CCND3: variants seen among roughly 807,000 people sequenced by gnomAD.
CCND3 encodes G1/S-specific cyclin-D3.
A neutral mutation model predicts 28.7 loss-of-function variants in CCND3; 9 were observed. The ratio of observed to expected loss-of-function variants is 0.31; its 90% CI spans 0.19 to 0.55. CCND3 has a LOEUF of 0.55. CCND3 is among the 20% of genes least tolerant of loss of function. CCND3 has a pLI of 0.93. For missense variants in CCND3, 315 were observed against 385.8 expected (o/e 0.82, Z 1.54); for synonymous variants, 164 against 163.9 (o/e 1.00, Z 0.00).
At position 42,000,234 on chromosome 6, in the gene CCND3, CTTTTTTTT is replaced by C. The variant is rs70987562; in HGVS notation, c.-46+48259_-46+48266del. On this transcript the variant is annotated intron_variant, in intron 1 of 4. Transcript: ENST00000372988. ...AGTCTCGTGGAAATTTGAAAACATACTTTTTTTTTTTTTTTTTTTTTTTTTTTGGGACA... is the reference window on the plus strand; with the variant it reads ...AGTCTCGTGGAAATTTGAAAACATACTTTTTTTTTTTTTTTTTTTGGGACA... 1.3e-3 allele frequency among the ~76,000 whole-genome samples: 65 copies of C among 51,030 alleles called. 1 individual carries two copies. In the South Asian group the frequency reaches 0.021, roughly 16 times the overall value. The allele number at this position is 51,030 out of a possible 152,430, so 33.5% of individuals were successfully genotyped here. A position where few individuals can be genotyped will look rare whatever the true frequency, so the allele number is the denominator to read the frequency against.
intron 1 of CCND3, among the ~76,000 whole-genome samples, chr6:42,021,272 T>C (rs1763705769): frequency 6.6e-6 from 1 of 152,122 alleles, no homozygotes; most frequent in African/African-American, 2.4e-5. Context: ...ATACAGAGAG[T>C]CTGGTACTAT....
Position 42,048,519 on chromosome 6 carries a change from C to T in CCND3, c.-64G>A, listed in dbSNP as rs1764612652. On this transcript the variant is annotated 5_prime_UTR_variant, in exon 1 of 5. Transcript: ENST00000372988. The surrounding 1 kb of genome is among the most constrained non-coding windows in gnomAD (Gnocchi z 4.7). ...AGCCTACCTCCTCGTCAGGTGACCTCCCCGGAGCACCGACTGGGGTCGCAG... is the reference window on the plus strand; with the variant it reads ...AGCCTACCTCCTCGTCAGGTGACCTTCCCGGAGCACCGACTGGGGTCGCAG... 1.9e-6 allele frequency: 1 copy of T among 514,452 alleles called. No individual in the cohort carries two copies. Among genetic ancestry groups the T allele is most frequent in the Admixed American group, 2.0e-5 (1 of 50,870 alleles). The allele number at this position is 514,452 out of a possible 1,614,324, so 31.9% of individuals were successfully genotyped here.
intron 1 of CCND3, among the ~76,000 whole-genome samples, chr6:42,037,597 T>A (rs1486927045): frequency 6.6e-6 from 1 of 152,068 alleles, no homozygotes; most frequent in Non-Finnish European, 1.5e-5. Flanking sequence ...TTTAAATAAA[T>A]TAATATTTAA....
intron 1 of CCND3, among the ~76,000 whole-genome samples, chr6:41,988,706 T>C (rs1185316868): frequency 3.4e-5 from 5 of 148,932 alleles, no homozygotes; most frequent in African/African-American, 1.2e-4. Flanking sequence ...TTTCTTTTTT[T>C]TTTTTTTTTT....
chr6:42,037,191 T>C (rs1321131847), intron 1 of CCND3, among the ~76,000 whole-genome samples: 2 of 151,208 alleles, frequency 1.3e-5, no homozygotes, highest in African/African-American at 2.4e-5. Flanking sequence ...CCACCCGCCT[T>C]GGCCTCCCAA....
intron 1 of CCND3, among the ~76,000 whole-genome samples, chr6:42,034,729 C>T (rs1236657089): frequency 6.6e-5 from 10 of 150,970 alleles, no homozygotes; most frequent in African/African-American, 2.2e-4. Flanking sequence ...CCGGCCGCCT[C>T]GGCCTCCCAA....
chr6:42,000,385 C>T (rs1212188992), intron 1 of CCND3, among the ~76,000 whole-genome samples: 1 of 149,666 alleles, frequency 6.7e-6, no homozygotes, highest in Non-Finnish European at 1.5e-5. Flanking sequence ...GGACTACAGG[C>T]GCCCGACACC....
In CCND3 at chr6:42,048,871, GC is replaced by G; in HGVS notation, c.-417del. ...CCGGCGCCGCGCACCCCCGCCCGCAGCCCCCGCCCCACGCGGCATAGGTGCG... is the reference window on the plus strand; with the variant it reads ...CCGGCGCCGCGCACCCCCGCCCGCAGCCCCGCCCCACGCGGCATAGGTGCG... On this transcript the variant is annotated 5_prime_UTR_variant, in exon 1 of 5. Transcript: ENST00000372988. The surrounding 1 kb of genome is among the most constrained non-coding windows in gnomAD (Gnocchi z 4.7). 1 of 305,100 alleles carries G rather than the reference GC, an allele frequency of 3.3e-6. No homozygotes were observed. Among genetic ancestry groups the G allele is most frequent in the Non-Finnish European group, 6.2e-6 (1 of 160,386 alleles). 18.9% of individuals were successfully genotyped at this position (305,100 alleles called of 1,614,324 possible).
intron 1 of CCND3, among the ~76,000 whole-genome samples, chr6:42,043,333 C>A (rs1301257430): frequency 1.3e-5 from 2 of 152,244 alleles, no homozygotes; most frequent in Non-Finnish European, 2.9e-5. Flanking sequence ...GTCAGGAATT[C>A]AAGACCATCC....
At chr6:42,016,929 T>G (rs902281198) in intron 1 of CCND3, among the ~76,000 whole-genome samples, 25 of 152,166 alleles carry the variant, frequency 1.6e-4, no homozygotes, top group African/African-American at 5.5e-4. Context: ...AACTACAACA[T>G]AATGACCTGC....
At chr6:41,943,399 T>C (rs1776092766), upstream of CCND3, among the ~76,000 whole-genome samples, 1 of 152,052 alleles carries the variant, frequency 6.6e-6, no homozygotes, top group African/African-American at 2.4e-5. Flanking sequence ...CTTTTTTCAT[T>C]AAAAAAATAC....
At chr6:42,034,971 C>T (rs1206952423) in intron 1 of CCND3, among the ~76,000 whole-genome samples, 3 of 152,154 alleles carry the variant, frequency 2.0e-5, no homozygotes, top group African/African-American at 7.2e-5. Context: ...CATTATTTCC[C>T]CCCATTCATA....
intron 1 of CCND3, among the ~76,000 whole-genome samples, chr6:41,998,684 ATT>A (rs879883431): frequency 7.2e-6 from 1 of 138,906 alleles, no homozygotes. Flanking sequence ...ATGCATTATT[ATT>A]TTTTTTTTTT....
upstream of CCND3, among the ~76,000 whole-genome samples, chr6:41,946,361 C>A (rs531940449): frequency 1.3e-5 from 2 of 151,766 alleles, no homozygotes; most frequent in East Asian, 3.9e-4. Context: ...CGTTGGGAGG[C>A]AGGGGCAGGC....
chr6:41,964,499 A>AGTGT (rs72237414), intron 1 of CCND3, among the ~76,000 whole-genome samples: 3 of 103,348 alleles, frequency 2.9e-5, no homozygotes, highest in East Asian at 4.7e-4. Context: ...TGTGTGTGTG[A>AGTGT]GTGTGTGTGT....
chr6:41,955,905 T>C (rs1254828533), intron 1 of CCND3, among the ~76,000 whole-genome samples: 5 of 152,228 alleles, frequency 3.3e-5, no homozygotes, highest in Admixed American at 1.3e-4. Flanking sequence ...TGAGGTGTGA[T>C]TGCACCTGGG....
intron 1 of CCND3, among the ~76,000 whole-genome samples, chr6:42,042,236 C>T (rs929638605): frequency 6.6e-6 from 1 of 152,098 alleles, no homozygotes; most frequent in African/African-American, 2.4e-5. Flanking sequence ...ATCTGGGAGA[C>T]GATGATGCCC....
At chr6:42,045,462 G>C (rs1003365926) in intron 1 of CCND3, among the ~76,000 whole-genome samples, 3 of 152,168 alleles carry the variant, frequency 2.0e-5, no homozygotes, top group African/African-American at 7.2e-5. Context: ...TAAAAACTTA[G>C]GGACAGCTCC....
chr6:41,991,209 G>T (rs1354327728), intron 1 of CCND3, among the ~76,000 whole-genome samples: 2 of 151,816 alleles, frequency 1.3e-5, no homozygotes, highest in African/African-American at 4.8e-5. Context: ...CAGGCATGTG[G>T]CACCACACCC....
Sources: gnomAD v4.1 joint callset for allele counts (sites outside exome capture counted in the v4.1 genomes callset) on GRCh38, gnomAD v4.1.1 for gene constraint, Gnocchi (gnomAD v3.1) non-coding constraint, MANE v1.5 for transcripts, NCBI Gene and HGNC (gene_info 2026-07-23, HGNC 2026-07-21) for gene names.